The following CATSPERB variants were observed in gnomAD, a reference collection of about 807,000 sequenced individuals.
The protein encoded by CATSPERB is cation channel sperm-associated auxiliary subunit beta.
In CATSPERB, 93 loss-of-function variants were observed where a neutral mutation model predicts 128.3. The ratio of observed to expected loss-of-function variants is 0.72; its 90% CI spans 0.61 to 0.86. The LOEUF (loss-of-function observed/expected upper bound fraction) is 0.86, where lower values mean the gene tolerates loss of function less well. CATSPERB is among the 40% of genes least tolerant of loss of function. The pLI, the probability that CATSPERB is intolerant of heterozygous loss-of-function variation, is 0.00. For synonymous variants in CATSPERB, 381 were observed against 448.8 expected, an observed-to-expected ratio of 0.85 and a Z score of 1.91; for missense variants, 1,153 against 1,329.5, an observed-to-expected ratio of 0.87 and a Z score of 2.06.
In CATSPERB at chr14:91,719,089, T is replaced by C. The variant is rs144751855; in HGVS notation, c.370+329A>G. On this transcript the variant is annotated intron_variant, in intron 5 of 26. Transcript: ENST00000256343. ...GCTTATAACATATTAAAACTAATGA[T>C]TCATCTTCAGTAAAATAAATTAGTA... Among the ~76,000 whole-genome samples, 790 of 152,324 alleles carry C rather than the reference T, an allele frequency of 5.2e-3. 7 individuals carry two copies. The highest frequency in any genetic ancestry group is 0.018 in the African/African-American group (738 of 41,572).
At chr14:91,656,551 G>C (rs949906675) in intron 15 of CATSPERB, among the ~76,000 whole-genome samples, 1 of 151,980 alleles carries the variant, frequency 6.6e-6, no homozygotes, top group African/African-American at 2.4e-5. Flanking sequence ...CATGCTACCA[G>C]AGAAAATTGC....
intron 22 of CATSPERB, among the ~76,000 whole-genome samples, chr14:91,596,770 A>G (rs1893513496): frequency 6.6e-6 from 1 of 152,154 alleles, no homozygotes; most frequent in Non-Finnish European, 1.5e-5. Flanking sequence ...ACCAAACACC[A>G]TTTCATATTT....
chr14:91,588,194 T>A, intron 24 of CATSPERB, 116 bp from the exon 25 acceptor site: 1 of 644,628 alleles, frequency 1.6e-6, no homozygotes, highest in East Asian at 2.8e-5. Context: ...ACTATTTCAT[T>A]TGCAATTACT....
Position 91,674,075 on chromosome 14 carries a change from T to C in CATSPERB, c.978+101A>G, listed in dbSNP as rs964197928. 11 of 681,964 alleles carry C rather than the reference T, an allele frequency of 1.6e-5. No homozygotes were observed. The South Asian group carries it at 2.1e-4, about 13-fold the overall frequency. The allele number at this position is 681,964 out of a possible 1,614,324, so 42.2% of individuals were successfully genotyped here. A position where few individuals can be genotyped will look rare whatever the true frequency, so the allele number is the denominator to read the frequency against. On this transcript the variant is annotated intron_variant, in intron 12 of 26. Coordinates refer to ENST00000256343, the MANE Select transcript of CATSPERB (RefSeq NM_024764.4). ...GGGAGCAAAGAGTGATTGTGAAGCC[T>C]TTCAGTCTGTAGAATTGCCATTTTT...
At chr14:91,613,364 A>G (rs567928230) in intron 20 of CATSPERB, among the ~76,000 whole-genome samples, 106 of 152,302 alleles carry the variant, frequency 7.0e-4, no homozygotes, top group African/African-American at 2.5e-3. Context: ...TGTAAGAAAA[A>G]TATTGACTTG....
chr14:91,685,168 T>G (rs1895351681), intron 10 of CATSPERB, among the ~76,000 whole-genome samples: 1 of 152,042 alleles, frequency 6.6e-6, no homozygotes, highest in Admixed American at 6.6e-5. Context: ...CTTAAGCAAT[T>G]CTCCTGCTTT....
At chr14:91,703,733 C>T (rs1895690281) in intron 7 of CATSPERB, among the ~76,000 whole-genome samples, 1 of 152,202 alleles carries the variant, frequency 6.6e-6, no homozygotes, top group Non-Finnish European at 1.5e-5. Flanking sequence ...TCTTGGGAAT[C>T]TTCTGGACCT....
intron 10 of CATSPERB, among the ~76,000 whole-genome samples, chr14:91,689,990 A>T (rs984334410): frequency 2.0e-5 from 3 of 151,978 alleles, no homozygotes; most frequent in African/African-American, 7.2e-5. Flanking sequence ...TTTTAATTTA[A>T]TTTATTTTAA....
At chr14:91,624,147 A>T (rs1343260470) in intron 18 of CATSPERB, among the ~76,000 whole-genome samples, 1 of 152,186 alleles carries the variant, frequency 6.6e-6, no homozygotes, top group Non-Finnish European at 1.5e-5. Flanking sequence ...CAGGAGTTTG[A>T]GACCAGCCTG....
At chr14:91,706,205 C>T (rs1313357156) in intron 6 of CATSPERB, among the ~76,000 whole-genome samples, 2 of 152,214 alleles carry the variant, frequency 1.3e-5, no homozygotes, top group African/African-American at 4.8e-5. Context: ...TCTGGGTTGA[C>T]GTAGTGCAGC....
intron 14 of CATSPERB, among the ~76,000 whole-genome samples, chr14:91,661,464 C>T (rs562355847): frequency 2.2e-4 from 33 of 148,850 alleles, no homozygotes; most frequent in African/African-American, 5.2e-4. Context: ...TTTGTACTAA[C>T]GTTACAGTGT....
Position 91,621,640 on chromosome 14 carries a change from A to C in CATSPERB, c.2228T>G (p.Val743Gly). Residue 743 changes from valine to glycine, a missense_variant, in exon 19 of 27, where the codon GTT becomes GGT. Transcript: ENST00000256343. ...ATTCCGTATGACCTTAGCTTTTAAA[A>C]CATAAGAGTTTCCCAGATCAATGTA... ...VKYIDLGNSY[V>G]LKAKVIRNAK... The C allele has an allele frequency of 6.2e-7, 1 of 1,609,342 alleles. No individual in the cohort carries two copies. Among genetic ancestry groups the C allele is most frequent in the Non-Finnish European group, 8.5e-7 (1 of 1,177,164 alleles).
chr14:91,633,533 T>C (rs1393489148), intron 17 of CATSPERB, among the ~76,000 whole-genome samples: 3 of 152,122 alleles, frequency 2.0e-5, no homozygotes, highest in African/African-American at 7.2e-5. Context: ...TGAACATAGA[T>C]GTTTAAATCT....
At chr14:91,593,651 A>G (rs529711679) in intron 22 of CATSPERB, among the ~76,000 whole-genome samples, 1 of 152,158 alleles carries the variant, frequency 6.6e-6, no homozygotes, top group African/African-American at 2.4e-5. Context: ...ACAGGCTCAT[A>G]GGTGGAAGGG....
Position 91,659,955 on chromosome 14 carries a change from G to A in CATSPERB, c.1314C>T (p.Asn438=). Residue 438 remains asparagine, a synonymous_variant, in exon 15 of 27, where the codon AAC becomes AAT. Transcript: ENST00000256343. ...GAAAGTTAGCTATTAATTGAAAGGT[G>A]TTGCCGCCATCAACTGAAAGCCATA... is the stretch of plus-strand genomic sequence containing the variant. ...NQIWLSVDGG[N]TFQLIANFHD... is the part of the protein sequence containing the mutation. The A allele has an allele frequency of 1.9e-6, 3 of 1,589,546 alleles. No individual in the cohort carries two copies. The highest frequency in any genetic ancestry group is 1.2e-5 in the South Asian group (1 of 86,090).
chr14:91,711,178 A>C (rs1041362923), intron 5 of CATSPERB, among the ~76,000 whole-genome samples: 1 of 152,120 alleles, frequency 6.6e-6, no homozygotes, highest in Non-Finnish European at 1.5e-5. Context: ...TTATATTTTC[A>C]TCATGAGTTA....
At chr14:91,582,049 C>A (rs1054121008) in intron 26 of CATSPERB, among the ~76,000 whole-genome samples, 5 of 152,062 alleles carry the variant, frequency 3.3e-5, no homozygotes, top group African/African-American at 1.2e-4. Context: ...TCTAAAATTC[C>A]CCTCACATTC....
Position 91,669,937 on chromosome 14 carries a change from C to T in CATSPERB, c.1164G>A (p.Leu388=). 1.2e-6 allele frequency: 2 copies of T among 1,613,396 alleles called. No individual in the cohort carries two copies. The highest frequency in any genetic ancestry group is 1.6e-4 in the Middle Eastern group (1 of 6,062). ...RKTAIASVST[L]RNNEPNSQSK... ...ATTGTGAATTTGGTTCATTATTTCT[C>T]AGGGTGCTCACAGAGGCAATGGCAG... The change falls in exon 14 of 27, where the codon CTG becomes CTA. Residue 388 remains leucine (L), a synonymous_variant. Coordinates refer to ENST00000256343, the MANE Select transcript of CATSPERB (RefSeq NM_024764.4).
intron 11 of CATSPERB, among the ~76,000 whole-genome samples, chr14:91,675,006 G>C (rs1595174714): frequency 6.6e-6 from 1 of 152,238 alleles, no homozygotes; most frequent in East Asian, 1.9e-4. Context: ...CTGGCTTTTG[G>C]AATAAAAGTC....
Sources: gnomAD v4.1 joint callset for allele counts (sites outside exome capture counted in the v4.1 genomes callset) on GRCh38, gnomAD v4.1.1 for gene constraint, MANE v1.5 for transcripts, NCBI Gene and HGNC (gene_info 2026-07-23, HGNC 2026-07-21) for gene names.